Variants in AP1G1 observed in about 807,000 individuals in gnomAD.
AP1G1 encodes adaptor related protein complex 1 subunit gamma 1.
In AP1G1, 7 loss-of-function variants were observed where a neutral mutation model predicts 108.3. The ratio of observed to expected loss-of-function variants is 0.06; its 90% CI spans 0.04 to 0.12. The LOEUF (loss-of-function observed/expected upper bound fraction) is 0.12, where lower values mean the gene tolerates loss of function less well. Ranked by LOEUF, AP1G1 falls within the 10% of genes least tolerant of loss-of-function variation. The probability of loss-of-function intolerance (pLI) is 1.00; values close to 1 mark genes in which losing one functional copy is unlikely to be tolerated. For synonymous variants in AP1G1, 379 were observed against 353.5 expected (o/e 1.07, Z -0.81); for missense variants, 756 against 1,010.7 (o/e 0.75, Z 3.42).
intron 21 of AP1G1, among the ~76,000 whole-genome samples, chr16:71,738,450 T>C (rs1052069861): frequency 1.3e-5 from 2 of 152,214 alleles, no homozygotes; most frequent in African/African-American, 4.8e-5. Flanking sequence ...ACAGTTACTG[T>C]ATCTATAATA....
intron 22 of AP1G1, among the ~76,000 whole-genome samples, chr16:71,733,411 T>C (rs2045493518): frequency 6.6e-6 from 1 of 152,148 alleles, no homozygotes; most frequent in Non-Finnish European, 1.5e-5. Context: ...TGAACTGCAT[T>C]AAAAGGACAG....
At chr16:71,788,722 C>T (rs1345198253) in intron 2 of AP1G1, among the ~76,000 whole-genome samples, 1 of 151,612 alleles carries the variant, frequency 6.6e-6, no homozygotes, top group African/African-American at 2.4e-5. Context: ...TACAGTGGTG[C>T]AATCGTAGCT....
intron 1 of AP1G1, among the ~76,000 whole-genome samples, chr16:71,791,331 T>G (rs1004074516): frequency 1.3e-5 from 2 of 152,074 alleles, no homozygotes; most frequent in Non-Finnish European, 2.9e-5. Context: ...AGAGTTTATT[T>G]TAAAGTAAAC....
chr16:71,808,199 A>AACT, intron 1 of AP1G1: 1 of 1,000,622 alleles, frequency 1.0e-6, no homozygotes, highest in Non-Finnish European at 1.2e-6. Context: ...AAAAAAACAA[A>AACT]ACAACAACAT....
chr16:71,785,893 A>C (rs2032187177), intron 2 of AP1G1, among the ~76,000 whole-genome samples: 1 of 152,170 alleles, frequency 6.6e-6, no homozygotes, highest in Admixed American at 6.5e-5. Context: ...AAGAAAAAAA[A>C]AAGTGGCTAT....
At chr16:71,799,638 CACCTGTAAT>C (rs1300323102) in intron 1 of AP1G1, among the ~76,000 whole-genome samples, 5 of 152,066 alleles carry the variant, frequency 3.3e-5, no homozygotes, top group Non-Finnish European at 7.3e-5. Flanking sequence ...CGGTGGCTCA[CACCTGTAAT>C]CCCAGCACTT....
At chr16:71,771,453 A>G (rs2031566710) in intron 4 of AP1G1, among the ~76,000 whole-genome samples, 1 of 152,218 alleles carries the variant, frequency 6.6e-6, no homozygotes, top group Non-Finnish European at 1.5e-5. Flanking sequence ...GGGAGCCCCA[A>G]GGCAGGAGAA....
chr16:71,765,755 G>A, intron 6 of AP1G1, 171 bp from the exon 7 acceptor site: 2 of 562,138 alleles, frequency 3.6e-6, no homozygotes, highest in Non-Finnish European at 6.4e-6. Context: ...GTAACTTAGG[G>A]CAATATTCAA....
chr16:71,776,738 A>G (rs2031792252), intron 2 of AP1G1, among the ~76,000 whole-genome samples: 1 of 152,194 alleles, frequency 6.6e-6, no homozygotes, highest in African/African-American at 2.4e-5. Flanking sequence ...AGGCATTAAT[A>G]CTACTTTGTG....
chr16:71,734,757 G>C, intron 21 of AP1G1, 50 bp from the exon 22 acceptor site: 2 of 1,470,082 alleles, frequency 1.4e-6, no homozygotes, highest in Non-Finnish European at 9.5e-7. Context: ...CACAACGCTA[G>C]GTCAGAGATA....
chr16:71,806,018 A>G (rs2032986487), intron 1 of AP1G1, among the ~76,000 whole-genome samples: 1 of 125,054 alleles, frequency 8.0e-6, no homozygotes, highest in Non-Finnish European at 1.6e-5. Context: ...CCTGTCTCAA[A>G]CAATAAAAAT....
At chr16:71,802,442 A>T (rs947718240) in intron 1 of AP1G1, among the ~76,000 whole-genome samples, 3 of 152,028 alleles carry the variant, frequency 2.0e-5, no homozygotes, top group African/African-American at 7.2e-5. Context: ...ACTTTAAAAA[A>T]TTTTGGGCCA....
chr16:71,808,505 C>A, intron 1 of AP1G1: 1 of 1,258,228 alleles, frequency 7.9e-7, no homozygotes. Flanking sequence ...AGGCCCGTAC[C>A]GGCGGGGCAA....
chr16:71,789,693 A>T (rs1397322018), intron 1 of AP1G1, among the ~76,000 whole-genome samples: 1 of 152,236 alleles, frequency 6.6e-6, no homozygotes, highest in Non-Finnish European at 1.5e-5. Flanking sequence ...GGCTACAAAC[A>T]AATATGGTTA....
chr16:71,768,523 G>T (rs2031417158), intron 6 of AP1G1, among the ~76,000 whole-genome samples: 1 of 91,496 alleles, frequency 1.1e-5, no homozygotes, highest in Non-Finnish European at 2.3e-5. Flanking sequence ...AGAGAGAAGG[G>T]AGTACTTAAG....
In AP1G1 at chr16:71,734,237, A is replaced by G. The variant is rs58631676; in HGVS notation, c.2367+372T>C. The stretch of plus-strand genomic sequence containing the variant: ...TTTTCATTTGGCTGCTTCATTTAAA[A>G]TGCCTCTATTTTTCTATTCATACTT... On this transcript the variant is annotated intron_variant, in intron 22 of 22. Coordinates refer to ENST00000299980, the MANE Select transcript of AP1G1 (RefSeq NM_001128.6). 9.3e-4 allele frequency among the ~76,000 whole-genome samples: 142 copies of G among 152,338 alleles called. 1 individual carries two copies. Among genetic ancestry groups the G allele is most frequent in the African/African-American group, 3.1e-3 (129 of 41,570 alleles).
intron 22 of AP1G1, 32 bp from the exon 23 acceptor site, chr16:71,733,191 T>A: frequency 6.5e-7 from 1 of 1,533,588 alleles, no homozygotes; most frequent in Non-Finnish European, 9.0e-7. Flanking sequence ...GCAAATTATA[T>A]ACTGAAATGA....
chr16:71,774,754 C>G (rs2031711163), intron 2 of AP1G1, among the ~76,000 whole-genome samples, 162 bp from the exon 3 acceptor site: 1 of 152,058 alleles, frequency 6.6e-6, no homozygotes, highest in African/African-American at 2.4e-5. Context: ...GGGTTTCGCT[C>G]TGGTTGGCCA....
chr16:71,746,480 C>A (rs918395642), intron 17 of AP1G1, 108 bp downstream of exon 17: 4 of 632,028 alleles, frequency 6.3e-6, no homozygotes, highest in African/African-American at 1.8e-5. Flanking sequence ...AATAGGGATA[C>A]GAGGAACAAT....
Sources: allele counts gnomAD v4.1 joint callset (sites outside exome capture counted in the v4.1 genomes callset), GRCh38; gene constraint gnomAD v4.1.1; transcripts MANE v1.5; gene names NCBI Gene and HGNC (gene_info 2026-07-23, HGNC 2026-07-21).